WIPI1: variants seen among roughly 807,000 people sequenced by gnomAD.
WIPI1 encodes the protein WD repeat domain, phosphoinositide interacting 1.
WIPI1 carries 45 observed loss-of-function variants against 55.3 expected under a neutral mutation model. That is an observed-to-expected ratio of 0.81 (90% CI 0.64 to 1.04). The LOEUF is 1.04. Ranked by LOEUF, WIPI1 falls within the 50% of genes least tolerant of loss-of-function variation. WIPI1 has a pLI of 0.00. For missense variants in WIPI1, 445 were observed against 559.0 expected (o/e 0.80, Z 2.06); for synonymous variants, 195 against 217.6 (o/e 0.90, Z 0.92).
intron 4 of WIPI1, among the ~76,000 whole-genome samples, chr17:68,439,283 GAAT>G (rs1168170554): frequency 2.0e-5 from 3 of 152,120 alleles, no homozygotes; most frequent in Non-Finnish European, 2.9e-5. Flanking sequence ...TTTTATAATA[GAAT>G]ATTATCCAGC....
chr17:68,451,111 G>A (rs2084484234), intron 2 of WIPI1, among the ~76,000 whole-genome samples: 1 of 152,226 alleles, frequency 6.6e-6, no homozygotes, highest in African/African-American at 2.4e-5. Context: ...CACTTTCAGA[G>A]TCCTTTCCAA....
chr17:68,431,670 C>T (rs988776332), intron 8 of WIPI1, among the ~76,000 whole-genome samples: 5 of 14,740 alleles, frequency 3.4e-4, no homozygotes, highest in Non-Finnish European at 7.1e-4. Context: ...TGGACCAGCA[C>T]GAGGTGCTAA....
At chr17:68,437,685 A>G (rs1055593232) in intron 4 of WIPI1, among the ~76,000 whole-genome samples, 11 of 152,214 alleles carry the variant, frequency 7.2e-5, no homozygotes, top group African/African-American at 2.7e-4. Context: ...CTAGACATTG[A>G]GACAAACTAA....
At chr17:68,435,349 T>C (rs561009665) in intron 6 of WIPI1, among the ~76,000 whole-genome samples, 1 of 152,372 alleles carries the variant, frequency 6.6e-6, no homozygotes, top group East Asian at 1.9e-4. Context: ...TCTCTACGGC[T>C]GATGTACACG....
chr17:68,434,973 G>A (rs1040978898), intron 6 of WIPI1, among the ~76,000 whole-genome samples: 2 of 152,078 alleles, frequency 1.3e-5, no homozygotes, highest in Non-Finnish European at 2.9e-5. Flanking sequence ...AGGCCAAGGC[G>A]GGTGGATTGC....
At chr17:68,454,811 T>A (rs1377073375) in intron 1 of WIPI1, among the ~76,000 whole-genome samples, 1 of 152,208 alleles carries the variant, frequency 6.6e-6, no homozygotes, top group Non-Finnish European at 1.5e-5. Context: ...TAATGCAAAG[T>A]GACAGCAATT....
intron 4 of WIPI1, 109 bp downstream of exon 4, chr17:68,444,384 C>G (rs1600356568): frequency 2.0e-6 from 2 of 1,000,046 alleles, no homozygotes; most frequent in East Asian, 4.9e-5. Context: ...CACTAAGACT[C>G]AAAAAGCAAA....
chr17:68,434,065 C>A (rs982119499), intron 7 of WIPI1, among the ~76,000 whole-genome samples: 1 of 151,990 alleles, frequency 6.6e-6, no homozygotes, highest in African/African-American at 2.4e-5. Flanking sequence ...CCACCGCGCC[C>A]GGCCCATAGT....
intron 7 of WIPI1, among the ~76,000 whole-genome samples, chr17:68,433,785 T>TTG (rs1568633098): frequency 1.1e-5 from 1 of 88,268 alleles, no homozygotes; most frequent in African/African-American, 3.9e-5. Flanking sequence ...TTTTTTTTTT[T>TTG]TTTTTTTTTT....
chr17:68,435,221 A>AT (rs1486797038), intron 6 of WIPI1, among the ~76,000 whole-genome samples: 1 of 151,646 alleles, frequency 6.6e-6, no homozygotes, highest in Admixed American at 6.6e-5. Context: ...AAAAAAAAAA[A>AT]ATTCAATTGG....
chr17:68,454,415 AT>A (rs899955141), intron 1 of WIPI1, among the ~76,000 whole-genome samples: 5 of 152,174 alleles, frequency 3.3e-5, no homozygotes, highest in South Asian at 2.1e-4. Flanking sequence ...TTTCCCTGGA[AT>A]TTTTTTTCCC....
intron 8 of WIPI1, 80 bp from the exon 9 acceptor site, chr17:68,430,240 A>G (rs2083450651): frequency 2.1e-6 from 3 of 1,425,466 alleles, no homozygotes; most frequent in Non-Finnish European, 9.5e-7. Flanking sequence ...CCCAAGCGTC[A>G]TTAGCCACAC....
Position 68,444,508 on chromosome 17 carries a change from G to C in WIPI1, c.415C>G (p.Pro139Ala). ...TGGAGCTCACCTGTTGGGTTTGCAG[G>C]AATATCCAGGAGGGTCTTCAACAGC... ...MKLLKTLLDI[P>A]ANPTGLCALS... The change falls in exon 4 of 13, where the codon CCT (proline) becomes GCT (alanine). Residue 139 changes from proline to alanine, a missense_variant. Coordinates refer to ENST00000262139, the MANE Select transcript of WIPI1 (RefSeq NM_017983.7). 1 of 1,613,724 alleles carries C rather than the reference G, an allele frequency of 6.2e-7. No homozygotes were observed. Among genetic ancestry groups the C allele is most frequent in the Non-Finnish European group, 8.5e-7 (1 of 1,179,880 alleles).
At chr17:68,427,065 G>T in intron 11 of WIPI1, 70 bp downstream of exon 11, 1 of 1,281,270 alleles carries the variant, frequency 7.8e-7, no homozygotes, top group South Asian at 1.2e-5. Context: ...GAAGGGGAGG[G>T]AGCGTGCAGG....
intron 4 of WIPI1, among the ~76,000 whole-genome samples, chr17:68,441,572 T>C (rs2084078420): frequency 6.6e-6 from 1 of 152,162 alleles, no homozygotes; most frequent in African/African-American, 2.4e-5. Context: ...GGCGGAGTCC[T>C]CTGAAGGTTC....
intron 4 of WIPI1, among the ~76,000 whole-genome samples, chr17:68,436,945 G>A (rs913441077): frequency 2.0e-5 from 3 of 151,642 alleles, no homozygotes; most frequent in African/African-American, 7.3e-5. Flanking sequence ...AGTGAGTGGA[G>A]ATCGTGCCAC....
In WIPI1 at chr17:68,426,243, G is replaced by GGC. The variant is rs754582715; in HGVS notation, c.1193-69_1193-68insGC. 1,039 of 934,478 alleles carry GGC rather than the reference G, an allele frequency of 1.1e-3. 20 individuals are homozygous for GGC. Among genetic ancestry groups the GGC allele is most frequent in the Admixed American group, 3.0e-3 (112 of 37,680 alleles). The allele number at this position is 934,478 out of a possible 1,614,324, so 57.9% of individuals were successfully genotyped here. On this transcript the variant is annotated intron_variant, in intron 11 of 12. Coordinates refer to ENST00000262139, the MANE Select transcript of WIPI1 (RefSeq NM_017983.7). ...GCTTTTATGCCATGACCTGGCGGGT[G>GGC]GGGAGCGGGGGCTCAAATAAAGGGC...
intron 4 of WIPI1, among the ~76,000 whole-genome samples, chr17:68,438,007 G>A (rs1001477570): frequency 1.5e-4 from 21 of 139,854 alleles, no homozygotes; most frequent in Admixed American, 4.4e-4. Context: ...AGTATATTAA[G>A]TGGGTTTCTT....
chr17:68,453,196 A>G (rs573376203), intron 1 of WIPI1, among the ~76,000 whole-genome samples: 1 of 152,308 alleles, frequency 6.6e-6, no homozygotes, highest in Non-Finnish European at 1.5e-5. Context: ...AGTCAAAGGC[A>G]ACTTAAAAAA....
Sources: gnomAD v4.1 joint callset for allele counts (sites outside exome capture counted in the v4.1 genomes callset) on GRCh38, gnomAD v4.1.1 for gene constraint, MANE v1.5 for transcripts, NCBI Gene and HGNC (gene_info 2026-07-23, HGNC 2026-07-21) for gene names.